PLSCR5: variants seen among roughly 807,000 people sequenced by gnomAD.
The protein encoded by PLSCR5 is phospholipid scramblase family member 5.
PLSCR5 carries 44 observed loss-of-function variants against 33.6 expected under a neutral mutation model. The observed-to-expected ratio is 1.31, with a 90% CI of 1.03 to 1.69. The LOEUF (loss-of-function observed/expected upper bound fraction) is 1.69, where lower values mean the gene tolerates loss of function less well. Among genes scored for constraint, PLSCR5 ranks in the 40% most tolerant of loss-of-function variants. PLSCR5 has a pLI of 0.00. For synonymous variants in PLSCR5, 148 were observed against 112.3 expected, an observed-to-expected ratio of 1.32 and a Z score of -2.01; for missense variants, 375 against 318.7, an observed-to-expected ratio of 1.18 and a Z score of -1.34.
At chr3:146,593,181 T>C (rs960596661) in intron 4 of PLSCR5, among the ~76,000 whole-genome samples, 2 of 152,124 alleles carry the variant, frequency 1.3e-5, no homozygotes, top group Non-Finnish European at 2.9e-5. Context: ...CTTGAATGTA[T>C]AGTCATAGGT....
rs1452927339 is a variant in PLSCR5 at position 146,595,065 on chromosome 3, G to A, written c.208C>T (p.His70Tyr). Residue 70 changes from histidine to tyrosine, a missense_variant, in exon 3 of 8, where the codon CAC becomes TAC. His to Tyr is a moderately conservative substitution (Grantham distance 83, BLOSUM62 2). Coordinates refer to ENST00000443512, the MANE Select transcript of PLSCR5 (RefSeq NM_001085420.2). ...YLSQLDLIII[H>Y]QQVELLGMIL... ...CTTCCAAGCAGCTCCACCTGCTGGT[G>A]TATAATTATCAGGTCTAACTGTAAA... 7.0e-7 allele frequency: 1 copy of A among 1,432,714 alleles called. No individual in the cohort carries two copies. Among genetic ancestry groups the A allele is most frequent in the Non-Finnish European group, 9.3e-7 (1 of 1,077,780 alleles). 88.8% of individuals were successfully genotyped at this position (1,432,714 alleles called of 1,614,324 possible).
intron 5 of PLSCR5, among the ~76,000 whole-genome samples, chr3:146,591,421 T>C (rs1214632229): frequency 6.6e-6 from 1 of 152,072 alleles, no homozygotes; most frequent in Non-Finnish European, 1.5e-5. Flanking sequence ...CATGCTTTTA[T>C]TATAGTAAAA....
At chr3:146,596,947 C>T (rs144702173) in intron 2 of PLSCR5, among the ~76,000 whole-genome samples, 101 of 152,036 alleles carry the variant, frequency 6.6e-4, no homozygotes, top group African/African-American at 2.3e-3. Flanking sequence ...AAATACTAGA[C>T]CAAGTCTTTA....
intron 1 of PLSCR5, among the ~76,000 whole-genome samples, chr3:146,602,201 T>C (rs1360246176): frequency 6.6e-6 from 1 of 152,092 alleles, no homozygotes; most frequent in African/African-American, 2.4e-5. Flanking sequence ...CCCCTGCTCT[T>C]GAGAATGGCT....
intron 2 of PLSCR5, among the ~76,000 whole-genome samples, chr3:146,599,867 A>C (rs1399116057): frequency 6.6e-6 from 1 of 151,894 alleles, no homozygotes; most frequent in Non-Finnish European, 1.5e-5. Flanking sequence ...ACAGGGTTGT[A>C]TCATGTTGCG....
At chr3:146,580,329 T>C (rs762666921) in intron 7 of PLSCR5, among the ~76,000 whole-genome samples, 5 of 150,742 alleles carry the variant, frequency 3.3e-5, no homozygotes, top group African/African-American at 7.4e-5. Flanking sequence ...TGTATGTGAT[T>C]TAGCCCCTAG....
At chr3:146,603,997 A>T (rs1197499397) in intron 1 of PLSCR5, among the ~76,000 whole-genome samples, 1 of 152,128 alleles carries the variant, frequency 6.6e-6, no homozygotes, top group African/African-American at 2.4e-5. Context: ...TGGAAAGATT[A>T]TCTCATTTGT....
chr3:146,585,783 T>C (rs1179270895), downstream of PLSCR5: 2 of 205,228 alleles, frequency 9.7e-6, no homozygotes, highest in African/African-American at 4.7e-5. Flanking sequence ...AAAGCAACCT[T>C]GTGCTCAGGC....
intron 1 of PLSCR5, among the ~76,000 whole-genome samples, chr3:146,601,981 G>C (rs2044820054): frequency 1.3e-5 from 2 of 151,842 alleles, no homozygotes; most frequent in South Asian, 4.2e-4. Flanking sequence ...ATTATTATTA[G>C]TGTAGGGCCA....
chr3:146,600,965 A>G (rs2044808927), intron 1 of PLSCR5, among the ~76,000 whole-genome samples: 1 of 147,916 alleles, frequency 6.8e-6, no homozygotes, highest in South Asian at 2.1e-4. Flanking sequence ...ATATTTATAT[A>G]TATACTTATT....
At chr3:146,578,279 TTATC>T (rs1321049136) in intron 7 of PLSCR5, among the ~76,000 whole-genome samples, 3 of 152,262 alleles carry the variant, frequency 2.0e-5, no homozygotes, top group African/African-American at 7.2e-5. Context: ...ATTGGCTACT[TTATC>T]TATTATGTGG....
At chr3:146,601,837 T>A (rs987425929) in intron 1 of PLSCR5, among the ~76,000 whole-genome samples, 1 of 152,110 alleles carries the variant, frequency 6.6e-6, no homozygotes, top group Non-Finnish European at 1.5e-5. Flanking sequence ...TTGGGTTTCC[T>A]TTGGTGATAG....
chr3:146,596,579 A>G (rs891667443), intron 2 of PLSCR5, among the ~76,000 whole-genome samples: 4 of 152,148 alleles, frequency 2.6e-5, no homozygotes, highest in Admixed American at 2.6e-4. Context: ...TGATCATTGT[A>G]TTTTCTAACG....
In PLSCR5 at chr3:146,594,073, A is replaced by G. The variant is rs985922619; in HGVS notation, c.300T>C (p.Phe100=). 2.1e-5 allele frequency: 34 copies of G among 1,613,738 alleles called. No individual in the cohort carries two copies. The highest frequency in any genetic ancestry group is 2.6e-5 in the Non-Finnish European group (31 of 1,179,812). ...TGAAGCAGATGCTTTCCTCCACTGC[A>G]AAGTAAATTCTTTGTCCCAAGCTGT... ...IKNSLGQRIY[F]AVEESICFNR... Residue 100 remains phenylalanine (F), a synonymous_variant, in exon 4 of 8, where the codon TTT becomes TTC. Transcript: ENST00000443512.
At chr3:146,587,534 G>T (rs924482489) in intron 6 of PLSCR5, among the ~76,000 whole-genome samples, 1 of 151,884 alleles carries the variant, frequency 6.6e-6, no homozygotes, top group Non-Finnish European at 1.5e-5. Context: ...TTGGGGAAAG[G>T]GTGTGTGTGT....
chr3:146,602,750 G>A (rs569932188), intron 1 of PLSCR5, among the ~76,000 whole-genome samples: 1 of 152,084 alleles, frequency 6.6e-6, no homozygotes, highest in Non-Finnish European at 1.5e-5. Context: ...AATTATGTTT[G>A]CTGTAACAAA....
chr3:146,601,592 G>T (rs1645111593), intron 1 of PLSCR5, among the ~76,000 whole-genome samples: 1 of 149,920 alleles, frequency 6.7e-6, no homozygotes, highest in Non-Finnish European at 1.5e-5. Flanking sequence ...CAAGGAAATT[G>T]CTTCTGCATT....
At chr3:146,592,245 TC>T in intron 4 of PLSCR5, among the ~76,000 whole-genome samples, 1 of 152,108 alleles carries the variant, frequency 6.6e-6, no homozygotes, top group Admixed American at 6.6e-5. Flanking sequence ...TCATATCTAC[TC>T]CTTTTAATTG....
At chr3:146,583,461 A>T (rs987743439), downstream of PLSCR5, among the ~76,000 whole-genome samples, 1 of 152,160 alleles carries the variant, frequency 6.6e-6, no homozygotes, top group Non-Finnish European at 1.5e-5. Context: ...GCACTAGGAA[A>T]CACTGTTGTA....
Sources: gnomAD v4.1 joint callset for allele counts (sites outside exome capture counted in the v4.1 genomes callset) on GRCh38, gnomAD v4.1.1 for gene constraint, MANE v1.5 for transcripts, NCBI Gene and HGNC (gene_info 2026-07-23, HGNC 2026-07-21) for gene names.